Variants in FBN3 observed in about 807,000 individuals in gnomAD.
FBN3 encodes the protein fibrillin 3.
In FBN3, 234 loss-of-function variants were observed where a neutral mutation model predicts 330.1. The observed-to-expected ratio is 0.71, with a 90% CI of 0.64 to 0.79. The LOEUF (loss-of-function observed/expected upper bound fraction) is 0.79. Among genes scored for constraint, FBN3 ranks in the 30% least tolerant of loss-of-function variants. FBN3 has a pLI of 0.00. For synonymous variants in FBN3, 1,458 were observed against 1,517.3 expected, an observed-to-expected ratio of 0.96 and a Z score of 0.91; for missense variants, 3,606 against 3,886.9, an observed-to-expected ratio of 0.93 and a Z score of 1.92.
At chr19:8,133,267 C>T (rs917449167) in intron 13 of FBN3, among the ~76,000 whole-genome samples, 161 bp from the exon 14 acceptor site, 11 of 152,286 alleles carry the variant, frequency 7.2e-5, no homozygotes, top group South Asian at 4.1e-4. Context: ...TATATTAGTC[C>T]GTCCGCTGGG....
rs745946801 is a variant in FBN3 at position 8,087,192 on chromosome 19, A to C, written c.6639T>G (p.Asp2213Glu). 15 of 1,601,724 alleles carry C rather than the reference A, an allele frequency of 9.4e-6. No homozygotes were observed. The highest frequency in any genetic ancestry group is 1.3e-5 in the Non-Finnish European group (15 of 1,175,574). Reference sequence around the variant, plus strand: ...CCCGGGCGTGGCAGTCCTGCTGACCATCTGCACACTCGTCCACATCTTCGG... The same window carrying C: ...CCCGGGCGTGGCAGTCCTGCTGACCCTCTGCACACTCGTCCACATCTTCGG... ...AMCRDVDECA[D>E]GQQDCHARGM... Residue 2213 changes from aspartate (D) to glutamate (E), a missense_variant, in exon 54 of 64, where the codon GAT becomes GAG. Coordinates refer to ENST00000600128, the MANE Select transcript of FBN3 (RefSeq NM_032447.5).
chr19:8,147,566 G>A (rs535485687), intron 1 of FBN3, 69 bp from the exon 2 acceptor site: 111 of 1,335,348 alleles, frequency 8.3e-5, no homozygotes, highest in Middle Eastern at 2.7e-4. Context: ...CCAACACAAC[G>A]AGGAGGGCAG....
intron 1 of FBN3, among the ~76,000 whole-genome samples, chr19:8,148,146 C>T (rs1340862433): frequency 6.6e-6 from 1 of 152,090 alleles, no homozygotes; most frequent in Non-Finnish European, 1.5e-5. Context: ...CAGATACCCC[C>T]ACTCCTGCAA....
In FBN3 at chr19:8,093,980, A is replaced by G. The variant is rs1373369635; in HGVS notation, c.5905+466T>C. On this transcript the variant is annotated intron_variant, in intron 47 of 63. Transcript: ENST00000600128. ...GTCCAGGTTAGACCACAGTGAACAA[A>G]GCAGCCCATCTGCTCAGCCCAGGCT... Among the ~76,000 whole-genome samples, 9 of 152,178 alleles carry G rather than the reference A, an allele frequency of 5.9e-5. No individual in the cohort carries two copies. In the East Asian group the frequency reaches 1.2e-3, roughly 20 times the overall value.
chr19:8,100,953 A>C lies in FBN3; in HGVS notation c.5109T>G (p.Cys1703Trp). 1 of 1,613,850 alleles carries C rather than the reference A, an allele frequency of 6.2e-7. No individual in the cohort carries two copies. The highest frequency in any genetic ancestry group is 1.1e-5 in the South Asian group (1 of 91,054). Residue 1703 changes from cysteine to tryptophan, a missense_variant, in exon 41 of 64, where the codon TGT becomes TGG. Physicochemically the swap from Cys to Trp is radical, Grantham distance 215 (BLOSUM62 -2). Transcript: ENST00000600128. ...TGAGGAATCCCGGGGCCTGATTTCC[A>C]CACAGGATCTGGTAGTCAGCTGCGC... ...TPISPDYQIL[C>W]GNQAPGFLTD...
intron 59 of FBN3, among the ~76,000 whole-genome samples, chr19:8,079,358 A>G (rs1239526253): frequency 6.6e-6 from 1 of 152,150 alleles, no homozygotes. Context: ...TTGAAGTTTC[A>G]GTGAGCTGCG....
Position 8,088,025 on chromosome 19 carries a change from C to T in FBN3, c.6496+35G>A, listed in dbSNP as rs765672808. The T allele has an allele frequency of 1.5e-5, 25 of 1,614,018 alleles. No individual in the cohort carries two copies. In the East Asian group the frequency reaches 5.6e-4, roughly 36 times the overall value. On this transcript the variant is annotated intron_variant, in intron 52 of 63. Coordinates refer to ENST00000600128, the MANE Select transcript of FBN3 (RefSeq NM_032447.5). ...CACTCCCTCCCCCAGGCATCTCCGT[C>T]ACACGGCCCAGGTCCTGGGCAAGCA...
chr19:8,104,165 G>GAA (rs34779277), intron 38 of FBN3, among the ~76,000 whole-genome samples: 2,792 of 121,142 alleles, frequency 0.023, 46 homozygotes, highest in Non-Finnish European at 0.032. Flanking sequence ...GACATTAAGT[G>GAA]AAAAAAAAAA....
Position 8,090,238 on chromosome 19 carries a change from ACT to A in FBN3, c.6043_6044del (p.Ser2015PhefsTer7), listed in dbSNP as rs1353564633. Reference sequence around the variant, plus strand: ...CAGCCTCAAAACGGGTGAAGCAGAAACTCTGCCGTGTGTCTGTGGGGTGGGGG... The same window carrying A: ...CAGCCTCAAAACGGGTGAAGCAGAAACTGCCGTGTGTCTGTGGGGTGGGGG... ...NGHRCFDTRQ[S>X]FCFTRFEAGK... On this transcript the variant is annotated frameshift_variant, in exon 49 of 64. Transcript: ENST00000600128. LOFTEE classifies it high-confidence loss of function. The A allele has an allele frequency of 3.7e-6, 6 of 1,611,848 alleles. No homozygotes were observed. Among genetic ancestry groups the A allele is most frequent in the South Asian group, 1.1e-5 (1 of 90,914 alleles).
intron 47 of FBN3, among the ~76,000 whole-genome samples, chr19:8,092,610 G>C (rs1443264873): frequency 6.7e-6 from 1 of 149,172 alleles, no homozygotes; most frequent in Non-Finnish European, 1.5e-5. Flanking sequence ...CAGCTACCAG[G>C]AGGGTGAGGC....
At chr19:8,115,144 C>T (rs143038382) in intron 30 of FBN3, among the ~76,000 whole-genome samples, 72 of 152,254 alleles carry the variant, frequency 4.7e-4, no homozygotes, top group African/African-American at 1.6e-3. Context: ...CATGAGCCAC[C>T]GCGCCCGGCC....
Position 8,127,066 on chromosome 19 carries a change from T to G in FBN3, c.2297-234A>C, listed in dbSNP as rs925102647. ...CCAAACTGTTTTTTTTTTGTTTTTTTTTTTTTTTTGAGACAGAGTCTCGCT... is the reference window on the plus strand; with the variant it reads ...CCAAACTGTTTTTTTTTTGTTTTTTGTTTTTTTTTGAGACAGAGTCTCGCT... On this transcript the variant is annotated intron_variant, in intron 18 of 63. Transcript: ENST00000600128. 4.7e-5 allele frequency among the ~76,000 whole-genome samples: 7 copies of G among 148,846 alleles called. No homozygotes were observed. In the East Asian group the frequency reaches 5.9e-4, roughly 13 times the overall value.
chr19:8,125,709 T>C (rs2082961607), intron 22 of FBN3, among the ~76,000 whole-genome samples, 183 bp downstream of exon 22: 1 of 151,172 alleles, frequency 6.6e-6, no homozygotes, highest in African/African-American at 2.4e-5. Flanking sequence ...GAGAATCGCT[T>C]GAACCCGGGA....
In FBN3 at chr19:8,147,448, G is replaced by A; in HGVS notation, c.33C>T (p.Gly11=). 6.4e-7 allele frequency: 1 copy of A among 1,560,450 alleles called. No homozygotes were observed. The part of the protein sequence containing the change: MTLEGLYLAR[G]PLARLLLAWS... ...AGGCCAGCAGGAGCCGGGCCAGGGG[G>A]CCCCTTGCCAAATACAGACCCTCCA... Residue 11 remains glycine (G), a synonymous_variant, in exon 2 of 64, where the codon GGC becomes GGT. Coordinates refer to ENST00000600128, the MANE Select transcript of FBN3 (RefSeq NM_032447.5).
At position 8,086,203 on chromosome 19, in the gene FBN3, G is replaced by A. The variant is rs1257156461; in HGVS notation, c.6877C>T (p.His2293Tyr). ...FQPSPTLTEC[H>Y]DIRQGPCFAE... ...GTGCGTGTCCAGCCACACTCACCGT[G>A]GCACTCGGTAAGGGTGGGGCTGGGC... is the stretch of plus-strand genomic sequence containing the variant. The change falls in exon 55 of 64, where the codon CAC (histidine) becomes TAC (tyrosine). Residue 2293 changes from histidine (H) to tyrosine (Y), a missense_variant. Physicochemically the swap from His to Tyr is moderately conservative, Grantham distance 83 (BLOSUM62 2). Transcript: ENST00000600128. 1.9e-6 allele frequency: 3 copies of A among 1,599,136 alleles called. No homozygotes were observed. Among genetic ancestry groups the A allele is most frequent in the Admixed American group, 1.7e-5 (1 of 59,224 alleles).
intron 45 of FBN3, 120 bp downstream of exon 45, chr19:8,095,844 T>C: frequency 1.5e-6 from 1 of 655,332 alleles, no homozygotes; most frequent in East Asian, 2.8e-5. Flanking sequence ...AGGAGTATGT[T>C]ATTTAATTTC....
intron 18 of FBN3, among the ~76,000 whole-genome samples, chr19:8,128,364 G>C (rs1346463707): frequency 6.6e-6 from 1 of 152,168 alleles, no homozygotes; most frequent in Non-Finnish European, 1.5e-5. Flanking sequence ...AGGAGTTCGA[G>C]ACCAGCCTGG....
intron 47 of FBN3, 102 bp downstream of exon 47, chr19:8,094,344 A>G (rs757370783): frequency 6.6e-5 from 85 of 1,291,504 alleles, no homozygotes; most frequent in Non-Finnish European, 8.0e-5. Flanking sequence ...CGTTAAGTAC[A>G]TCTCCACCTT....
Position 8,117,274 on chromosome 19 carries a change from C to G in FBN3, c.3481G>C (p.Val1161Leu). ...QGCVDINECRVQNGGCDVHCI... is the reference protein window; with the variant it reads ...QGCVDINECRLQNGGCDVHCI... Reference sequence around the variant, plus strand: ...TGCACGTCACACCCACCATTCTGGACCCGGCATTCGTTGATGTCTGCAGGA... The same window carrying G: ...TGCACGTCACACCCACCATTCTGGAGCCGGCATTCGTTGATGTCTGCAGGA... The change falls in exon 28 of 64, where the codon GTC (valine) becomes CTC (leucine). Residue 1161 changes from valine (V) to leucine (L), a missense_variant. Val to Leu is a conservative substitution (Grantham distance 32). Coordinates refer to ENST00000600128, the MANE Select transcript of FBN3 (RefSeq NM_032447.5). 9.3e-6 allele frequency: 15 copies of G among 1,613,856 alleles called. No individual in the cohort carries two copies. The highest frequency in any genetic ancestry group is 2.2e-5 in the East Asian group (1 of 44,882).
Sources: allele counts gnomAD v4.1 joint callset (sites outside exome capture counted in the v4.1 genomes callset), GRCh38; gene constraint gnomAD v4.1.1; transcripts MANE v1.5; gene names NCBI Gene and HGNC (gene_info 2026-07-23, HGNC 2026-07-21).